SPAST: variants seen among roughly 807,000 people sequenced by gnomAD.
SPAST encodes the protein spastin.
A neutral mutation model predicts 76.6 loss-of-function variants in SPAST; 30 were observed. The ratio of observed to expected loss-of-function variants is 0.39; its 90% CI spans 0.29 to 0.53. SPAST has a LOEUF of 0.53. SPAST is among the 20% of genes least tolerant of loss of function. The probability of loss-of-function intolerance (pLI) is 0.68; values close to 1 mark genes in which losing one functional copy is unlikely to be tolerated. For synonymous variants in SPAST, 305 were observed against 281.0 expected, an observed-to-expected ratio of 1.09 and a Z score of -0.86; for missense variants, 717 against 770.5, an observed-to-expected ratio of 0.93 and a Z score of 0.82.
intron 1 of SPAST, among the ~76,000 whole-genome samples, chr2:32,077,670 C>G (rs773339846): frequency 1.7e-4 from 26 of 152,314 alleles, no homozygotes; most frequent in Admixed American, 5.2e-4. Context: ...TCCTCTCACT[C>G]TACCCCAAGC....
chr2:32,083,867 C>T (rs1362624080), intron 1 of SPAST, among the ~76,000 whole-genome samples: 2 of 147,746 alleles, frequency 1.4e-5, no homozygotes, highest in Non-Finnish European at 3.0e-5. Flanking sequence ...CAACCTCTGC[C>T]TCCCAGGTTC....
At chr2:32,074,774 T>A (rs1318435821) in intron 1 of SPAST, among the ~76,000 whole-genome samples, 1 of 152,126 alleles carries the variant, frequency 6.6e-6, no homozygotes, top group African/African-American at 2.4e-5. Flanking sequence ...CCCAAAGTGC[T>A]GAGATTACAG....
intron 1 of SPAST, among the ~76,000 whole-genome samples, chr2:32,075,204 C>T (rs960496341): frequency 2.6e-5 from 4 of 151,662 alleles, no homozygotes. Flanking sequence ...GGGCAGATTA[C>T]GAGGTCAGGA....
intron 16 of SPAST, among the ~76,000 whole-genome samples, chr2:32,148,125 G>A (rs530883526): frequency 1.3e-5 from 2 of 151,762 alleles, no homozygotes; most frequent in African/African-American, 4.8e-5. Flanking sequence ...TAGAGATGGT[G>A]TCTCTCCCTG....
rs1320494889 is a variant in SPAST, at chr2:32,107,236, G to A, written c.683-7402G>A. Among the ~76,000 whole-genome samples, 7 of 151,798 alleles carry A rather than the reference G, an allele frequency of 4.6e-5. No individual in the cohort carries two copies. In the East Asian group the frequency reaches 5.8e-4, roughly 13 times the overall value. On this transcript the variant is annotated intron_variant, in intron 4 of 16. Coordinates refer to ENST00000315285, the MANE Select transcript of SPAST (RefSeq NM_014946.4). The stretch of plus-strand genomic sequence containing the variant: ...TGAAATCCAAAATGCTCTAAAATTC[G>A]ACTCTTTTTTTTTTGAGATGAAGTC...
At chr2:32,132,759 A>C (rs1018133078) in intron 9 of SPAST, among the ~76,000 whole-genome samples, 3 of 152,186 alleles carry the variant, frequency 2.0e-5, no homozygotes, top group Non-Finnish European at 4.4e-5. Flanking sequence ...CTGTGATCCC[A>C]GCACTTTGGG....
At chr2:32,085,628 T>C (rs1264638158) in intron 1 of SPAST, among the ~76,000 whole-genome samples, 1 of 152,142 alleles carries the variant, frequency 6.6e-6, no homozygotes, top group Non-Finnish European at 1.5e-5. Flanking sequence ...TTGACCTGTT[T>C]AAGGGGATGA....
chr2:32,104,201 A>G (rs191291879), intron 4 of SPAST, among the ~76,000 whole-genome samples: 3 of 152,318 alleles, frequency 2.0e-5, no homozygotes, highest in African/African-American at 7.2e-5. Flanking sequence ...CTTTAGCATT[A>G]TATGATGGCC....
Position 32,141,964 on chromosome 2 carries a change from A to G in SPAST, c.1536+18A>G. On this transcript the variant is annotated intron_variant, in intron 13 of 16. Transcript: ENST00000315285. Reference sequence around the variant, plus strand: ...ATGAGGAGGTATGTATCTGTGTTTGAATTTTTTTTGTTTTAGAGCAGAAAC... The same window carrying G: ...ATGAGGAGGTATGTATCTGTGTTTGGATTTTTTTTGTTTTAGAGCAGAAAC... 1 of 1,607,464 alleles carries G rather than the reference A, an allele frequency of 6.2e-7. No individual in the cohort carries two copies. The highest frequency in any genetic ancestry group is 1.7e-4 in the Middle Eastern group (1 of 5,884).
intron 1 of SPAST, among the ~76,000 whole-genome samples, chr2:32,080,919 A>G (rs1451782097): frequency 7.6e-6 from 1 of 130,826 alleles, no homozygotes; most frequent in African/African-American, 2.9e-5. Flanking sequence ...CTCAGCCTCC[A>G]GAGTAGCTAG....
intron 3 of SPAST, among the ~76,000 whole-genome samples, chr2:32,089,989 C>T (rs1043936719): frequency 6.6e-6 from 1 of 152,222 alleles, no homozygotes; most frequent in Non-Finnish European, 1.5e-5. Context: ...TGGTGTCCAT[C>T]TCCTGACCTC....
At chr2:32,108,887 T>C (rs1678427525) in intron 4 of SPAST, among the ~76,000 whole-genome samples, 1 of 144,336 alleles carries the variant, frequency 6.9e-6, no homozygotes, top group Admixed American at 7.3e-5. Context: ...TGCCTCAGCC[T>C]CCTGAGTAGC....
chr2:32,097,023 C>T (rs1308412062), intron 3 of SPAST, among the ~76,000 whole-genome samples: 1 of 152,194 alleles, frequency 6.6e-6, no homozygotes, highest in Non-Finnish European at 1.5e-5. Flanking sequence ...GTAAACCAAG[C>T]ATGGTACCTG....
rs1676464630 is a variant in SPAST at position 32,065,284 on chromosome 2, CTGGTAATA to C, written c.415+1039_415+1046del. Among the ~76,000 whole-genome samples, 3 of 152,242 alleles carry C rather than the reference CTGGTAATA, an allele frequency of 2.0e-5. No homozygotes were observed. In the South Asian group the frequency reaches 6.2e-4, roughly 32 times the overall value. On this transcript the variant is annotated intron_variant, in intron 1 of 16. Coordinates refer to ENST00000315285, the MANE Select transcript of SPAST (RefSeq NM_014946.4). The stretch of plus-strand genomic sequence containing the variant: ...CGGGTCGCCTCGGCCTCCCAAAGTG[CTGGTAATA>C]CAGGCATGAGCCACCGCGCCTGGCC...
chr2:32,126,944 T>G lies in SPAST; in HGVS notation c.1099-4T>G, dbSNP rs1679212683. On this transcript the variant is annotated splice_region_variant and splice_polypyrimidine_tract_variant and intron_variant, in intron 7 of 16. Transcript: ENST00000315285. ...AGTTGTAAACTAAAGTATATATTTT[T>G]TAGTTGTTCACAGGGCTTAGAGCTC... is the stretch of plus-strand genomic sequence containing the variant. The G allele has an allele frequency of 1.3e-6, 2 of 1,597,750 alleles. No homozygotes were observed. Among genetic ancestry groups the G allele is most frequent in the Admixed American group, 3.3e-5 (2 of 59,964 alleles).
intron 1 of SPAST, among the ~76,000 whole-genome samples, chr2:32,083,766 A>T (rs1220803368): frequency 0.015 from 704 of 48,258 alleles, 18 homozygotes; most frequent in African/African-American, 0.03. Context: ...ATATATATAT[A>T]TATATATATA....
chr2:32,126,049 C>A (rs1028194487), intron 7 of SPAST, among the ~76,000 whole-genome samples: 3 of 152,180 alleles, frequency 2.0e-5, no homozygotes, highest in Non-Finnish European at 4.4e-5. Context: ...CCCGCCTTGG[C>A]CTCCCAAAGT....
At chr2:32,065,794 G>C (rs896592285) in intron 1 of SPAST, among the ~76,000 whole-genome samples, 1 of 152,096 alleles carries the variant, frequency 6.6e-6, no homozygotes, top group Non-Finnish European at 1.5e-5. Flanking sequence ...TTTCAATCTT[G>C]TTGAAACCTG....
chr2:32,069,354 TCTTGGCTGTCCTTGACAACACAAAC>T (rs1676655527), intron 1 of SPAST, among the ~76,000 whole-genome samples: 2 of 152,230 alleles, frequency 1.3e-5, no homozygotes, highest in South Asian at 4.1e-4. Context: ...GAAGTCTGCC[TCTTGGCTGTCCTTGACAACACAAAC>T]CTTAGTTCCA....
Sources: allele counts gnomAD v4.1 joint callset (sites outside exome capture counted in the v4.1 genomes callset), GRCh38; gene constraint gnomAD v4.1.1; transcripts MANE v1.5; gene names NCBI Gene and HGNC (gene_info 2026-07-23, HGNC 2026-07-21).